The following SGSM1 variants were observed in gnomAD, a reference collection of about 807,000 sequenced individuals.
The protein encoded by SGSM1 is RUN and TBC1 domain containing 2.
Under a neutral mutation model 133.8 loss-of-function variants are expected in SGSM1, and 73 were observed. That is an observed-to-expected ratio of 0.55 (90% CI 0.45 to 0.66). SGSM1 has a LOEUF of 0.66. Ranked by LOEUF, SGSM1 falls within the 30% of genes least tolerant of loss-of-function variation. SGSM1 has a pLI of 0.00. For missense variants in SGSM1, 1,213 were observed against 1,448.1 expected, an observed-to-expected ratio of 0.84 and a Z score of 2.64; for synonymous variants, 563 against 573.0, an observed-to-expected ratio of 0.98 and a Z score of 0.25.
At chr22:24,920,511 G>C (rs1336809085) in intron 24 of SGSM1, among the ~76,000 whole-genome samples, 3 of 152,148 alleles carry the variant, frequency 2.0e-5, no homozygotes, top group Non-Finnish European at 4.4e-5. Flanking sequence ...GGGATAAAAT[G>C]GTACTAACAC....
chr22:24,886,284 C>T (rs1343552500), intron 15 of SGSM1, among the ~76,000 whole-genome samples: 6 of 151,794 alleles, frequency 4.0e-5, no homozygotes, highest in Admixed American at 3.9e-4. Context: ...ACTGGTAATC[C>T]CAGCTACTCG....
chr22:24,858,126 A>AC (rs1457696751), intron 8 of SGSM1, among the ~76,000 whole-genome samples: 7 of 152,036 alleles, frequency 4.6e-5, no homozygotes, highest in African/African-American at 1.7e-4. Flanking sequence ...ACAGGTGTGT[A>AC]CCACCATGCC....
intron 12 of SGSM1, chr22:24,874,303 G>A: frequency 9.0e-7 from 1 of 1,111,636 alleles, no homozygotes; most frequent in Non-Finnish European, 1.3e-6. Flanking sequence ...GCTGTGTGGA[G>A]CCGGGAAGGG....
In SGSM1 at chr22:24,844,749, C is replaced by G. The variant is rs893822290; in HGVS notation, c.64-148C>G. 1.7e-5 allele frequency: 10 copies of G among 602,386 alleles called. No homozygotes were observed. The African/African-American group carries it at 1.9e-4, about 11-fold the overall frequency. The allele number at this position is 602,386 out of a possible 1,614,324, so 37.3% of individuals were successfully genotyped here. A position where few individuals can be genotyped will look rare whatever the true frequency, so the allele number is the denominator to read the frequency against. On this transcript the variant is annotated intron_variant, in intron 2 of 24. Coordinates refer to ENST00000400358, the MANE Select transcript of SGSM1 (RefSeq NM_001098497.3). ...GGCCTCAGACCTCCAAAAGACAAGG[C>G]GAGGAGGGGGAAGGAAAGCAGGTGT...
intron 18 of SGSM1, 50 bp from the exon 19 acceptor site, chr22:24,897,922 T>C: frequency 1.3e-6 from 2 of 1,488,822 alleles, no homozygotes; most frequent in South Asian, 1.3e-5. Flanking sequence ...ATGTAAGTAA[T>C]GCTGCAGTCG....
intron 2 of SGSM1, among the ~76,000 whole-genome samples, chr22:24,840,810 A>G (rs1372780887): frequency 6.6e-6 from 1 of 151,822 alleles, no homozygotes. Context: ...AGCAGCCCAT[A>G]TTGTGTTTTT....
At chr22:24,890,819 G>A (rs1436165366) in intron 16 of SGSM1, among the ~76,000 whole-genome samples, 1 of 152,218 alleles carries the variant, frequency 6.6e-6, no homozygotes, top group Non-Finnish European at 1.5e-5. Flanking sequence ...TGGGATTACA[G>A]GCGTGAGCCA....
At chr22:24,913,952 C>G (rs755888637) in intron 22 of SGSM1, among the ~76,000 whole-genome samples, 1 of 151,394 alleles carries the variant, frequency 6.6e-6, no homozygotes, top group Non-Finnish European at 1.5e-5. Context: ...GTCAGGAGAT[C>G]GAGATCATCC....
rs1349115176 is a variant in SGSM1 at position 24,886,615 on chromosome 22, G to C, written c.1657G>C (p.Glu553Gln). The C allele has an allele frequency of 1.9e-6, 3 of 1,552,810 alleles. No individual in the cohort carries two copies. Among genetic ancestry groups the C allele is most frequent in the Non-Finnish European group, 1.7e-6 (2 of 1,147,616 alleles). Reference sequence around the variant, plus strand: ...CCCACCACAGAGTTACGAGGAGCAGGAGCTGCTGCGCCTCATCTACTACGG... The same window carrying C: ...CCCACCACAGAGTTACGAGGAGCAGCAGCTGCTGCGCCTCATCTACTACGG... ...LHDSTSYEEQELLRLIYYGGI... is the reference protein window; with the variant it reads ...LHDSTSYEEQQLLRLIYYGGI... The change falls in exon 16 of 25, where the codon GAG becomes CAG. Residue 553 changes from glutamate (E) to glutamine (Q), a missense_variant. Coordinates refer to ENST00000400358, the MANE Select transcript of SGSM1 (RefSeq NM_001098497.3).
intron 20 of SGSM1, among the ~76,000 whole-genome samples, chr22:24,904,580 A>G (rs1362646979): frequency 6.7e-6 from 1 of 150,192 alleles, no homozygotes; most frequent in Non-Finnish European, 1.5e-5. Flanking sequence ...TCCGTCTCAA[A>G]AAAAAAAAAA....
intron 5 of SGSM1, among the ~76,000 whole-genome samples, chr22:24,853,908 C>A (rs1467820799): frequency 6.6e-6 from 1 of 151,804 alleles, no homozygotes; most frequent in Non-Finnish European, 1.5e-5. Context: ...TGAGCCACTG[C>A]GCCTGGCCAA....
chr22:24,862,967 G>A (rs965322086), intron 9 of SGSM1, among the ~76,000 whole-genome samples: 5 of 152,278 alleles, frequency 3.3e-5, no homozygotes, highest in East Asian at 3.9e-4. Flanking sequence ...CTTTCACAGC[G>A]CGAGGACCCT....
chr22:24,816,406 TTTTTTTCTTTC>T (rs1928077931), intron 2 of SGSM1, among the ~76,000 whole-genome samples: 1 of 136,544 alleles, frequency 7.3e-6, no homozygotes, highest in Non-Finnish European at 1.6e-5. Context: ...ATTGATTTCT[TTTTTTTCTTTC>T]TTTTTTTTTT....
intron 2 of SGSM1, among the ~76,000 whole-genome samples, chr22:24,816,938 C>T (rs67760767): frequency 0.28 from 43,184 of 152,086 alleles, 6,776 homozygotes; most frequent in East Asian, 0.59. Context: ...TTTGGTCTCA[C>T]TGGACCACTG....
Position 24,855,296 on chromosome 22 carries a change from G to T in SGSM1, c.535G>T (p.Ala179Ser). The change falls in exon 7 of 25, where the codon GCC (alanine) becomes TCC (serine). Residue 179 changes from alanine (A) to serine (S), a missense_variant. By Grantham distance (99) the Ala-to-Ser change is moderately conservative (BLOSUM62 1). Coordinates refer to ENST00000400358, the MANE Select transcript of SGSM1 (RefSeq NM_001098497.3). ...CACATGCCCCTCAGTGGGGCCCTGT[G>T]CCCTAGAGTACACCAAGATGAAGAC... ...ILASLLVGPC[A>S]LEYTKMKTAD... 2 of 1,611,266 alleles carry T rather than the reference G, an allele frequency of 1.2e-6. No individual in the cohort carries two copies. The highest frequency in any genetic ancestry group is 1.7e-6 in the Non-Finnish European group (2 of 1,178,746).
chr22:24,818,231 CAAAAA>C (rs1219131730), intron 2 of SGSM1, among the ~76,000 whole-genome samples: 5 of 144,100 alleles, frequency 3.5e-5, no homozygotes, highest in Admixed American at 2.8e-4. Flanking sequence ...GACTCTGTCT[CAAAAA>C]AAAAAAAAAT....
chr22:24,851,100 C>CAAAAAA (rs68153757), intron 5 of SGSM1, among the ~76,000 whole-genome samples: 8 of 95,778 alleles, frequency 8.4e-5, no homozygotes, highest in Non-Finnish European at 7.4e-5. Context: ...GACTCCATCT[C>CAAAAAA]AAAAAAAAAA....
At chr22:24,818,718 G>C (rs926057314) in intron 2 of SGSM1, among the ~76,000 whole-genome samples, 1 of 152,004 alleles carries the variant, frequency 6.6e-6, no homozygotes, top group African/African-American at 2.4e-5. Context: ...CAAAACACTG[G>C]GTCTGTAACT....
At position 24,831,350 on chromosome 22, in the gene SGSM1, G is replaced by A. The variant is rs73407236; in HGVS notation, c.64-13547G>A. Among the ~76,000 whole-genome samples, 1,266 of 152,216 alleles carry A rather than the reference G, an allele frequency of 8.3e-3. 16 individuals are homozygous for A. The highest frequency in any genetic ancestry group is 0.029 in the African/African-American group (1,186 of 41,528). On this transcript the variant is annotated intron_variant, in intron 2 of 24. Transcript: ENST00000400358. ...AGGGGAGCTGGGATGGCCTGTCTGA[G>A]TTATCCTGAGTTGGGGCAAAGTGGC...
Sources: gnomAD v4.1 joint callset for allele counts (sites outside exome capture counted in the v4.1 genomes callset) on GRCh38, gnomAD v4.1.1 for gene constraint, MANE v1.5 for transcripts, NCBI Gene and HGNC (gene_info 2026-07-23, HGNC 2026-07-21) for gene names.